Variants in DSCAM observed in about 807,000 individuals in gnomAD.
DSCAM encodes the protein cell adhesion molecule DSCAM.
In DSCAM, 47 loss-of-function variants were observed where a neutral mutation model predicts 217.7. That is an observed-to-expected ratio of 0.22 (90% CI 0.17 to 0.28). The LOEUF (loss-of-function observed/expected upper bound fraction) is 0.28. Ranked by LOEUF, DSCAM falls within the 10% of genes least tolerant of loss-of-function variation. The pLI, the probability that DSCAM is intolerant of heterozygous loss-of-function variation, is 1.00. For missense variants in DSCAM, 2,080 were observed against 2,618.3 expected, an observed-to-expected ratio of 0.79 and a Z score of 4.49; for synonymous variants, 1,056 against 1,015.3, an observed-to-expected ratio of 1.04 and a Z score of -0.76.
intron 1 of DSCAM, among the ~76,000 whole-genome samples, chr21:40,809,947 A>G (rs1417911888): frequency 6.6e-6 from 1 of 152,174 alleles, no homozygotes; most frequent in Non-Finnish European, 1.5e-5. Context: ...TTCAGGAGAA[A>G]AATATTAGCA....
At chr21:40,820,447 C>CAT (rs1392437805) in intron 1 of DSCAM, among the ~76,000 whole-genome samples, 2 of 152,064 alleles carry the variant, frequency 1.3e-5, no homozygotes, top group Non-Finnish European at 2.9e-5. Context: ...ACGTCACACA[C>CAT]CAGGGCCTGT....
chr21:40,152,368 G>T (rs1477104641), intron 16 of DSCAM, among the ~76,000 whole-genome samples: 1 of 152,168 alleles, frequency 6.6e-6, no homozygotes, highest in African/African-American at 2.4e-5. Flanking sequence ...CTCCTTGTTA[G>T]GTTTCTCACA....
chr21:40,221,757 T>G (rs1252359187), intron 11 of DSCAM, among the ~76,000 whole-genome samples: 1 of 152,178 alleles, frequency 6.6e-6, no homozygotes, highest in African/African-American at 2.4e-5. Context: ...CAATTGTCCG[T>G]CAACACTCGC....
At chr21:40,747,036 T>A (rs1449504503) in intron 1 of DSCAM, among the ~76,000 whole-genome samples, 1 of 151,760 alleles carries the variant, frequency 6.6e-6, no homozygotes, top group Non-Finnish European at 1.5e-5. Flanking sequence ...GCACACAACA[T>A]ACCAAAACCT....
chr21:40,398,653 T>TG (rs397807198), intron 3 of DSCAM, among the ~76,000 whole-genome samples: 2 of 149,346 alleles, frequency 1.3e-5, no homozygotes, highest in African/African-American at 2.5e-5. Flanking sequence ...TTTTTTTTTT[T>TG]GAGATGGAGT....
chr21:40,652,360 AAAC>A (rs1162590464), intron 3 of DSCAM, among the ~76,000 whole-genome samples: 18 of 149,122 alleles, frequency 1.2e-4, no homozygotes, highest in African/African-American at 4.4e-4. Flanking sequence ...AAAAAAAAAA[AAAC>A]AACTTCTAGC....
chr21:40,357,554 C>T (rs923395313), intron 4 of DSCAM, among the ~76,000 whole-genome samples: 1 of 152,146 alleles, frequency 6.6e-6, no homozygotes, highest in African/African-American at 2.4e-5. Flanking sequence ...ACCATATAAA[C>T]ACCATTGCAA....
intron 3 of DSCAM, among the ~76,000 whole-genome samples, chr21:40,454,547 G>A (rs186004027): frequency 6.6e-6 from 1 of 152,196 alleles, no homozygotes; most frequent in African/African-American, 2.4e-5. Context: ...AGAATGAAGA[G>A]GAAGGATGGG....
At chr21:40,526,825 A>T (rs2076404460) in intron 3 of DSCAM, among the ~76,000 whole-genome samples, 1 of 152,112 alleles carries the variant, frequency 6.6e-6, no homozygotes, top group African/African-American at 2.4e-5. Flanking sequence ...TAAGAAAAAA[A>T]AAACAGAGCT....
chr21:40,605,549 T>G (rs769569894), intron 3 of DSCAM, among the ~76,000 whole-genome samples: 175 of 152,256 alleles, frequency 1.1e-3, no homozygotes, highest in Non-Finnish European at 1.7e-3. Context: ...TATTGTAATA[T>G]GAAAGTAGCC....
chr21:40,441,344 G>A (rs1017727326), intron 3 of DSCAM, among the ~76,000 whole-genome samples: 16 of 152,128 alleles, frequency 1.1e-4, no homozygotes, highest in African/African-American at 2.4e-4. Context: ...CCTGGAGGCC[G>A]AATAAGCATA....
At chr21:40,637,140 T>TATATATAAATATAA (rs2089775050) in intron 3 of DSCAM, among the ~76,000 whole-genome samples, 1 of 80,634 alleles carries the variant, frequency 1.2e-5, no homozygotes, top group African/African-American at 4.9e-5. Context: ...AATATATAAA[T>TATATATAAATATAA]ATATATATAA....
chr21:40,368,663 C>A (rs1391706231), intron 4 of DSCAM, among the ~76,000 whole-genome samples: 1 of 152,196 alleles, frequency 6.6e-6, no homozygotes, highest in Non-Finnish European at 1.5e-5. Context: ...TAGCAAGCAA[C>A]CTTTGGTCAC....
At chr21:40,376,693 ATATATATCT>A (rs2074966869) in intron 3 of DSCAM, among the ~76,000 whole-genome samples, 3 of 77,406 alleles carry the variant, frequency 3.9e-5, no homozygotes, top group Non-Finnish European at 7.5e-5. Context: ...CATATATATC[ATATATATCT>A]TATATAGATA....
intron 8 of DSCAM, among the ~76,000 whole-genome samples, chr21:40,328,193 T>C (rs1044701395): frequency 1.3e-5 from 2 of 151,994 alleles, no homozygotes; most frequent in African/African-American, 4.8e-5. Context: ...CAAAACAATC[T>C]TGAGGAAAAA....
At chr21:40,272,302 C>T (rs2073629142) in intron 11 of DSCAM, among the ~76,000 whole-genome samples, 1 of 152,148 alleles carries the variant, frequency 6.6e-6, no homozygotes. Context: ...TTGGGTAAAA[C>T]ATAAACCAGA....
At chr21:40,678,586 G>A (rs908368559) in intron 3 of DSCAM, among the ~76,000 whole-genome samples, 8 of 152,068 alleles carry the variant, frequency 5.3e-5, no homozygotes, top group Non-Finnish European at 7.3e-5. Context: ...TTTCCCCCAT[G>A]TAACCTTTCC....
At chr21:40,582,910 T>G (rs1200036026) in intron 3 of DSCAM, among the ~76,000 whole-genome samples, 1 of 152,126 alleles carries the variant, frequency 6.6e-6, no homozygotes, top group Non-Finnish European at 1.5e-5. Context: ...TGCCTTTATA[T>G]GTACTGCACA....
At chr21:40,270,269 A>C (rs1407960246) in intron 11 of DSCAM, among the ~76,000 whole-genome samples, 1 of 152,214 alleles carries the variant, frequency 6.6e-6, no homozygotes, top group Non-Finnish European at 1.5e-5. Flanking sequence ...TGGGGACCAG[A>C]AGTGCAAAAT....
Sources: allele counts gnomAD v4.1 joint callset (sites outside exome capture counted in the v4.1 genomes callset), GRCh38; gene constraint gnomAD v4.1.1; transcripts MANE v1.5; gene names NCBI Gene and HGNC (gene_info 2026-07-23, HGNC 2026-07-21).